CTNNA2: variants seen among roughly 807,000 people sequenced by gnomAD.
CTNNA2 encodes catenin alpha 2, also known as catenin alpha-2.
In CTNNA2, 42 loss-of-function variants were observed where a neutral mutation model predicts 101.0. The ratio of observed to expected loss-of-function variants is 0.42; its 90% CI spans 0.32 to 0.54. The LOEUF is 0.54. CTNNA2 is among the 20% of genes least tolerant of loss of function. The probability of loss-of-function intolerance (pLI) is 0.14; values close to 1 mark genes in which losing one functional copy is unlikely to be tolerated. For synonymous variants in CTNNA2, 450 were observed against 456.4 expected (o/e 0.99, Z 0.18); for missense variants, 871 against 1,223.1 (o/e 0.71, Z 4.29).
At chr2:79,375,257 G>A in intron 4 of CTNNA2, among the ~76,000 whole-genome samples, 1 of 152,148 alleles carries the variant, frequency 6.6e-6, no homozygotes, top group East Asian at 1.9e-4. Context: ...TGCATTGTGA[G>A]ATCTGATAGC....
At chr2:79,674,533 T>C (rs1683060211) in intron 2 of CTNNA2, among the ~76,000 whole-genome samples, 2 of 152,262 alleles carry the variant, frequency 1.3e-5, no homozygotes, top group Middle Eastern at 3.4e-3. Context: ...TAAATCATCA[T>C]AAAAATGAGA....
chr2:79,430,821 T>C (rs536425761), intron 4 of CTNNA2, among the ~76,000 whole-genome samples: 6 of 152,260 alleles, frequency 3.9e-5, no homozygotes, highest in African/African-American at 1.4e-4. Context: ...GAAAGACTGG[T>C]GTGTTCCAGG....
At chr2:79,898,022 T>C (rs967716290) in intron 6 of CTNNA2, among the ~76,000 whole-genome samples, 1 of 152,224 alleles carries the variant, frequency 6.6e-6, no homozygotes, top group African/African-American at 2.4e-5. Context: ...TATTATCACC[T>C]TGGCAACACC....
chr2:79,818,165 C>T (rs182504272), intron 3 of CTNNA2, among the ~76,000 whole-genome samples: 3 of 152,198 alleles, frequency 2.0e-5, no homozygotes, highest in Admixed American at 1.3e-4. Flanking sequence ...TTAAGAAGTT[C>T]ACTTTTTTTG....
upstream of CTNNA2, among the ~76,000 whole-genome samples, chr2:79,511,745 T>C (rs181591996): frequency 2.5e-3 from 383 of 152,222 alleles, 1 homozygote; most frequent in African/African-American, 8.9e-3. Context: ...TTTTATGTAA[T>C]TTTCAAACAA....
intron 2 of CTNNA2, among the ~76,000 whole-genome samples, chr2:79,221,716 C>T (rs910887710): frequency 6.6e-6 from 1 of 152,028 alleles, no homozygotes; most frequent in Admixed American, 6.5e-5. Context: ...TAATATATCC[C>T]TCTAAGACTT....
At chr2:79,300,938 GTC>G (rs1676094033) in intron 2 of CTNNA2, among the ~76,000 whole-genome samples, 1 of 152,060 alleles carries the variant, frequency 6.6e-6, no homozygotes, top group South Asian at 2.1e-4. Context: ...GTTCCTCTCT[GTC>G]TCACACTTTG....
chr2:80,093,781 T>C (rs369155953), intron 7 of CTNNA2, among the ~76,000 whole-genome samples: 14 of 152,228 alleles, frequency 9.2e-5, no homozygotes, highest in African/African-American at 3.1e-4. Flanking sequence ...TTTCATGTGT[T>C]TTTTGGCTGC....
intron 7 of CTNNA2, among the ~76,000 whole-genome samples, chr2:79,939,868 A>C (rs921226214): frequency 6.6e-6 from 1 of 152,156 alleles, no homozygotes; most frequent in African/African-American, 2.4e-5. Flanking sequence ...CGAGGTGGGC[A>C]GATCACCTGA....
At chr2:80,261,064 T>G (rs1672569387) in intron 7 of CTNNA2, among the ~76,000 whole-genome samples, 1 of 152,196 alleles carries the variant, frequency 6.6e-6, no homozygotes, top group African/African-American at 2.4e-5. Flanking sequence ...TCTAAACATT[T>G]CCAGTGCTTG....
chr2:79,735,666 A>G (rs1316655264), intron 2 of CTNNA2, among the ~76,000 whole-genome samples: 2 of 152,222 alleles, frequency 1.3e-5, no homozygotes, highest in South Asian at 2.1e-4. Context: ...ATTAATAAGT[A>G]TAATACGTTA....
At chr2:80,616,448 G>A (rs903103856) in intron 17 of CTNNA2, 1 of 151,698 alleles carries the variant, frequency 6.6e-6, no homozygotes, top group African/African-American at 2.4e-5. Context: ...TGCATCTGCA[G>A]ATTGTTCTTT....
At chr2:79,635,239 G>T (rs185202613) in intron 1 of CTNNA2, among the ~76,000 whole-genome samples, 2 of 152,068 alleles carry the variant, frequency 1.3e-5, no homozygotes, top group East Asian at 3.9e-4. Flanking sequence ...AGACCATCCC[G>T]GCTAACACGG....
At chr2:80,240,280 C>T (rs1019185119) in intron 7 of CTNNA2, among the ~76,000 whole-genome samples, 2 of 152,198 alleles carry the variant, frequency 1.3e-5, no homozygotes, top group Non-Finnish European at 2.9e-5. Context: ...CATCACTTGG[C>T]CTTGGCTTTA....
chr2:79,186,838 G>A (rs918383270), intron 1 of CTNNA2, among the ~76,000 whole-genome samples: 2 of 152,194 alleles, frequency 1.3e-5, no homozygotes, highest in African/African-American at 4.8e-5. Flanking sequence ...CCAGGGAAGG[G>A]TTTTCATTGC....
intron 7 of CTNNA2, among the ~76,000 whole-genome samples, chr2:79,913,254 G>A (rs981108248): frequency 6.6e-6 from 1 of 152,212 alleles, no homozygotes; most frequent in Non-Finnish European, 1.5e-5. Flanking sequence ...GATGACATTA[G>A]ATCAAAGACT....
intron 4 of CTNNA2, among the ~76,000 whole-genome samples, chr2:79,410,610 T>G (rs1678398636): frequency 6.6e-6 from 1 of 151,994 alleles, no homozygotes; most frequent in East Asian, 1.9e-4. Context: ...ATTTATTGAT[T>G]TGTGTATATT....
intron 7 of CTNNA2, among the ~76,000 whole-genome samples, chr2:80,011,373 G>GA (rs1693768482): frequency 6.6e-6 from 1 of 152,144 alleles, no homozygotes; most frequent in African/African-American, 2.4e-5. Flanking sequence ...TGCTCTAGTT[G>GA]AAGTTGGAGG....
At chr2:79,551,342 G>C (rs1035436309) in intron 1 of CTNNA2, among the ~76,000 whole-genome samples, 2 of 152,156 alleles carry the variant, frequency 1.3e-5, no homozygotes, top group African/African-American at 4.8e-5. Flanking sequence ...AAAGAGGCAA[G>C]AGGTTACATT....
Sources: allele counts gnomAD v4.1 joint callset (sites outside exome capture counted in the v4.1 genomes callset), GRCh38; gene constraint gnomAD v4.1.1; transcripts MANE v1.5; gene names NCBI Gene and HGNC (gene_info 2026-07-23, HGNC 2026-07-21).